Variants in DDX10 observed in about 807,000 individuals in gnomAD.
The protein encoded by DDX10 is probable ATP-dependent RNA helicase DDX10.
In DDX10, 74 loss-of-function variants were observed where a neutral mutation model predicts 104.3. The observed-to-expected ratio is 0.71, with a 90% CI of 0.59 to 0.86. The LOEUF is 0.86. Ranked by LOEUF, DDX10 falls within the 40% of genes least tolerant of loss-of-function variation. The pLI is 0.00. For missense variants in DDX10, 952 were observed against 1,040.0 expected (o/e 0.92, Z 1.16); for synonymous variants, 351 against 353.4 (o/e 0.99, Z 0.08).
rs771893022 is a variant in DDX10, at chr11:108,678,293, C to A, written c.538-22C>A. 8 of 1,603,104 alleles carry A rather than the reference C, an allele frequency of 5.0e-6. No homozygotes were observed. The South Asian group carries it at 5.6e-5, about 11-fold the overall frequency. ...GCTGAGAGTGATGTGTCTGTGTAAT[C>A]AAAATAAATAACTGTTTTCAGGATC... On this transcript the variant is annotated intron_variant, in intron 4 of 17. Transcript: ENST00000322536.
intron 13 of DDX10, among the ~76,000 whole-genome samples, chr11:108,808,466 C>T (rs989395746): frequency 2.6e-5 from 4 of 151,982 alleles, no homozygotes; most frequent in Non-Finnish European, 5.9e-5. Context: ...GCTACCAGAT[C>T]AGAGCAATTT....
chr11:108,769,115 C>G (rs943472770), intron 13 of DDX10, among the ~76,000 whole-genome samples: 2 of 151,922 alleles, frequency 1.3e-5, no homozygotes, highest in African/African-American at 4.8e-5. Context: ...ATTTTGTATA[C>G]ATAGTCACTG....
rs115816277 is a variant in DDX10, at chr11:108,737,649, C to A, written c.1965+14187C>A. ...TGCATGAGATAGATATCACTTATTG[C>A]AGCTTTTGGAAAAGTGCATAAAGGA... is the stretch of plus-strand genomic sequence containing the variant. On this transcript the variant is annotated intron_variant, in intron 13 of 17. Transcript: ENST00000322536. Among the ~76,000 whole-genome samples, 290 of 152,290 alleles carry A rather than the reference C, an allele frequency of 1.9e-3. 1 individual carries two copies. The highest frequency in any genetic ancestry group is 6.4e-3 in the African/African-American group (265 of 41,558).
At chr11:108,886,287 A>G (rs901557587) in intron 16 of DDX10, among the ~76,000 whole-genome samples, 5 of 152,208 alleles carry the variant, frequency 3.3e-5, no homozygotes, top group Admixed American at 3.3e-4. Flanking sequence ...CAGGTTGTTA[A>G]ATCCCCATTT....
At chr11:108,675,889 A>C in intron 3 of DDX10, 163 bp downstream of exon 3, 1 of 831,296 alleles carries the variant, frequency 1.2e-6, no homozygotes, top group Non-Finnish European at 1.9e-6. Context: ...TCTTGTTCTC[A>C]CCATTTTCCC....
chr11:108,740,449 C>T (rs1216574160), intron 13 of DDX10, among the ~76,000 whole-genome samples: 2 of 152,056 alleles, frequency 1.3e-5, no homozygotes, highest in African/African-American at 2.4e-5. Context: ...AGTGAACATA[C>T]GTATACATGT....
chr11:108,933,805 T>G (rs910045996), intron 17 of DDX10, among the ~76,000 whole-genome samples: 2 of 152,166 alleles, frequency 1.3e-5, no homozygotes, highest in Non-Finnish European at 2.9e-5. Context: ...GAATGTGGTT[T>G]TAGTTAGGGA....
chr11:108,940,751 T>G lies in DDX10; in HGVS notation c.*328T>G, dbSNP rs1864099353. 3.9e-6 allele frequency: 1 copy of G among 254,678 alleles called. No individual in the cohort carries two copies. Among genetic ancestry groups the G allele is most frequent in the Admixed American group, 5.1e-5 (1 of 19,506 alleles). 15.8% of individuals were successfully genotyped at this position (254,678 alleles called of 1,614,324 possible). A position where few individuals can be genotyped will look rare whatever the true frequency, so the allele number is the denominator to read the frequency against. ...ACTGGCAAGTTCTGGAGCTCTTGTG[T>G]CATTGTTAGAAATCCCTGTCTTGCT... On this transcript the variant is annotated 3_prime_UTR_variant, in exon 18 of 18. Transcript: ENST00000322536.
At chr11:108,876,657 G>T (rs1258061115) in intron 16 of DDX10, among the ~76,000 whole-genome samples, 4 of 152,168 alleles carry the variant, frequency 2.6e-5, no homozygotes, top group Non-Finnish European at 5.9e-5. Flanking sequence ...AGCTATATTA[G>T]TACCTCAACT....
At chr11:108,879,017 G>C (rs1296259126) in intron 16 of DDX10, among the ~76,000 whole-genome samples, 1 of 151,660 alleles carries the variant, frequency 6.6e-6, no homozygotes, top group Non-Finnish European at 1.5e-5. Context: ...TTTTTGTTTT[G>C]TTTTGGAGAC....
chr11:108,749,753 G>A (rs765030622), intron 13 of DDX10, among the ~76,000 whole-genome samples: 2 of 152,136 alleles, frequency 1.3e-5, no homozygotes, highest in Non-Finnish European at 2.9e-5. Flanking sequence ...ATTTTAACTA[G>A]CTGTTTATTT....
At chr11:108,896,726 T>G (rs1453597836) in intron 16 of DDX10, among the ~76,000 whole-genome samples, 1 of 152,160 alleles carries the variant, frequency 6.6e-6, no homozygotes. Flanking sequence ...CTTAGTTGCT[T>G]CTCTGATAGG....
At chr11:108,838,374 G>A in intron 13 of DDX10, 72 bp from the exon 14 acceptor site, 2 of 1,499,444 alleles carry the variant, frequency 1.3e-6, no homozygotes, top group Non-Finnish European at 1.8e-6. Flanking sequence ...GAAGTATATT[G>A]CCAGAGTTGG....
intron 13 of DDX10, among the ~76,000 whole-genome samples, chr11:108,737,360 C>T (rs1460257832): frequency 2.0e-5 from 3 of 152,074 alleles, no homozygotes; most frequent in Non-Finnish European, 2.9e-5. Flanking sequence ...TTTTTTATTT[C>T]TTTTATTCTT....
Position 108,830,713 on chromosome 11 carries a change from T to G in DDX10, c.1966-7733T>G, listed in dbSNP as rs540405781. 1.4e-3 allele frequency among the ~76,000 whole-genome samples: 217 copies of G among 152,310 alleles called. 2 individuals carry two copies. Among genetic ancestry groups the G allele is most frequent in the South Asian group, 9.7e-3 (47 of 4,824 alleles). ...TGTAGATGGCTTTTATTACATAGATTGGCTATGTCCCTTCTTTGCTAACTG... is the reference window on the plus strand; with the variant it reads ...TGTAGATGGCTTTTATTACATAGATGGGCTATGTCCCTTCTTTGCTAACTG... On this transcript the variant is annotated intron_variant, in intron 13 of 17. Coordinates refer to ENST00000322536, the MANE Select transcript of DDX10 (RefSeq NM_004398.4).
At chr11:108,787,884 C>T (rs542392186) in intron 13 of DDX10, among the ~76,000 whole-genome samples, 31 of 152,170 alleles carry the variant, frequency 2.0e-4, no homozygotes, top group African/African-American at 6.5e-4. Context: ...GAGCGGAGAT[C>T]GTGCCATTGC....
At chr11:108,743,720 G>A (rs2094328032) in intron 13 of DDX10, among the ~76,000 whole-genome samples, 1 of 152,124 alleles carries the variant, frequency 6.6e-6, no homozygotes, top group South Asian at 2.1e-4. Context: ...ACCATTGCCA[G>A]AAGACTTTGC....
At chr11:108,840,007 G>A (rs1862615529) in intron 14 of DDX10, among the ~76,000 whole-genome samples, 1 of 152,214 alleles carries the variant, frequency 6.6e-6, no homozygotes, top group Non-Finnish European at 1.5e-5. Flanking sequence ...GTTTGTGGCT[G>A]TGAGCCATCC....
At chr11:108,839,488 A>C (rs1862607126) in intron 14 of DDX10, among the ~76,000 whole-genome samples, 1 of 152,206 alleles carries the variant, frequency 6.6e-6, no homozygotes, top group African/African-American at 2.4e-5. Context: ...TACCTAACAT[A>C]ATAAGCCCTC....
Sources: allele counts gnomAD v4.1 joint callset (sites outside exome capture counted in the v4.1 genomes callset), GRCh38; gene constraint gnomAD v4.1.1; transcripts MANE v1.5; gene names NCBI Gene and HGNC (gene_info 2026-07-23, HGNC 2026-07-21).